Variants in SPOCD1 observed in about 807,000 individuals in gnomAD.
SPOCD1 encodes SPOC domain-containing protein 1.
A neutral mutation model predicts 92.2 loss-of-function variants in SPOCD1; 64 were observed. That is an observed-to-expected ratio of 0.69 (90% CI 0.57 to 0.86). SPOCD1 has a LOEUF of 0.86. SPOCD1 is among the 40% of genes least tolerant of loss of function. SPOCD1 has a pLI of 0.00. For synonymous variants in SPOCD1, 578 were observed against 619.3 expected, an observed-to-expected ratio of 0.93 and a Z score of 0.99; for missense variants, 1,360 against 1,543.1, an observed-to-expected ratio of 0.88 and a Z score of 1.99.
Position 31,792,243 on chromosome 1 carries a change from G to A in SPOCD1, c.2934C>T (p.Pro978=), listed in dbSNP as rs1337863003. ...LLPLPAFQPL[P]TRLRPLGGPG... ...GGCCCCCCAAAGGGCGCAGCCTGGTGGGCAGGGGCTGGAAGGCAGGCAGGG... is the reference window on the plus strand; with the variant it reads ...GGCCCCCCAAAGGGCGCAGCCTGGTAGGCAGGGGCTGGAAGGCAGGCAGGG... Residue 978 remains proline (P), a synonymous_variant, in exon 15 of 16, where the codon CCC becomes CCT. Coordinates refer to ENST00000360482, the MANE Select transcript of SPOCD1 (RefSeq NM_144569.7). The A allele has an allele frequency of 1.2e-6, 2 of 1,611,018 alleles. No homozygotes were observed. The highest frequency in any genetic ancestry group is 3.4e-5 in the Admixed American group (2 of 59,596).
intron 15 of SPOCD1, 142 bp from the exon 16 acceptor site, chr1:31,791,433 C>G: frequency 1.6e-6 from 1 of 629,568 alleles, no homozygotes; most frequent in Non-Finnish European, 2.5e-6. Flanking sequence ...AAGATTTGAG[C>G]TCTGCGGGAT....
chr1:31,793,226 G>T lies in SPOCD1; in HGVS notation c.2685+52C>A, dbSNP rs1469224788. ...TGAAAGAGAGAGAGAGAGAGAGGCTGCCTGGGCTGGTCAGTGTGTAAGGGA... is the reference window on the plus strand; with the variant it reads ...TGAAAGAGAGAGAGAGAGAGAGGCTTCCTGGGCTGGTCAGTGTGTAAGGGA... On this transcript the variant is annotated intron_variant, in intron 13 of 15. Coordinates refer to ENST00000360482, the MANE Select transcript of SPOCD1 (RefSeq NM_144569.7). 2.6e-6 allele frequency: 4 copies of T among 1,523,958 alleles called. No individual in the cohort carries two copies. The African/African-American group carries it at 4.1e-5, about 16-fold the overall frequency. The allele number at this position is 1,523,958 out of a possible 1,614,324, so 94.4% of individuals were successfully genotyped here.
At position 31,798,981 on chromosome 1, in the gene SPOCD1, G is replaced by C. The variant is rs998355807; in HGVS notation, c.1869-380C>G. 3 of 534,374 alleles carry C rather than the reference G, an allele frequency of 5.6e-6. No homozygotes were observed. The highest frequency in any genetic ancestry group is 6.6e-6 in the Non-Finnish European group (2 of 304,852). 33.1% of individuals were successfully genotyped at this position (534,374 alleles called of 1,614,324 possible). ...AGGCAGGAGTCAGGGGGAGAGAATGGAGCCCTGGCCCTCGGTGTCATCTGT... is the reference window on the plus strand; with the variant it reads ...AGGCAGGAGTCAGGGGGAGAGAATGCAGCCCTGGCCCTCGGTGTCATCTGT... On this transcript the variant is annotated intron_variant, in intron 7 of 15. Transcript: ENST00000360482. The surrounding 1 kb of genome is among the most constrained non-coding windows in gnomAD (Gnocchi z 4.1).
chr1:31,790,895 G>C lies in SPOCD1; in HGVS notation c.3359C>G (p.Ser1120Cys). The C allele has an allele frequency of 6.3e-7, 1 of 1,584,286 alleles. No homozygotes were observed. Among genetic ancestry groups the C allele is most frequent in the Non-Finnish European group, 8.6e-7 (1 of 1,165,618 alleles). The change falls in exon 16 of 16, where the codon TCC becomes TGC. Residue 1120 changes from serine (S) to cysteine (C), a missense_variant. Physicochemically the swap from Ser to Cys is moderately radical, Grantham distance 112. Transcript: ENST00000360482. ...QWPPEPGLRQ[S>C]QHPYSVAPAG... ...TGGTGCTACTGAATAGGGATGCTGG[G>C]ACTGGCGCAAGCCTGGCTCTGGGGG...
Position 31,814,607 on chromosome 1 carries a change from G to T in SPOCD1, c.727C>A (p.Pro243Thr), listed in dbSNP as rs759594249. 3.9e-6 allele frequency: 6 copies of T among 1,528,180 alleles called. No homozygotes were observed. In the East Asian group the frequency reaches 1.4e-4, roughly 35 times the overall value. The allele number at this position is 1,528,180 out of a possible 1,614,324, so 94.7% of individuals were successfully genotyped here. Residue 243 changes from proline to threonine, a missense_variant, in exon 2 of 16, where the codon CCT becomes ACT. This residue lies in a region of SPOCD1 where 606 missense variants were observed against 601.5 expected (regional missense o/e 1.01). Transcript: ENST00000360482. The surrounding 1 kb of genome is among the most constrained non-coding windows in gnomAD (Gnocchi z 4.2). ...GACTCCAGGTCAGCAACTTGGGGAG[G>T]GTCTCCCACAGACAGGAGGTTGTCC... is the stretch of plus-strand genomic sequence containing the variant. Reference protein sequence around the residue: ...RGDNLLSVGDPPQVADLESLG... With the variant: ...RGDNLLSVGDTPQVADLESLG...
chr1:31,815,988 G>A lies in SPOCD1; in HGVS notation c.-67C>T, dbSNP rs1422532576. 1 of 152,386 alleles carries A rather than the reference G, an allele frequency of 6.6e-6. No homozygotes were observed. Among genetic ancestry groups the A allele is most frequent in the Non-Finnish European group, 1.5e-5 (1 of 68,168 alleles). The allele number at this position is 152,386 out of a possible 1,614,324, so 9.4% of individuals were successfully genotyped here. ...GGGCTTCCCTGAGTTTTCCCTCCTG[G>A]GGTTCCACCCACTAGCTGAAAAGGA... On this transcript the variant is annotated 5_prime_UTR_variant, in exon 1 of 16. Coordinates refer to ENST00000360482, the MANE Select transcript of SPOCD1 (RefSeq NM_144569.7).
chr1:31,815,200 G>C lies in SPOCD1; in HGVS notation c.134C>G (p.Ala45Gly), dbSNP rs199709905. Residue 45 changes from alanine (A) to glycine (G), a missense_variant, in exon 2 of 16, where the codon GCA becomes GGA. By Grantham distance (60) the Ala-to-Gly change is moderately conservative (BLOSUM62 0). Transcript: ENST00000360482. ...MPGLSPDGPG[A>G]SSGPGVRAGS... ...AGCCCTGACTCCGGGCCCAGAGCTT[G>C]CTCCCGGCCCATCTGGTGACAGGCC... 5.0e-4 allele frequency: 807 copies of C among 1,607,802 alleles called. 5 individuals are homozygous for C. The highest frequency in any genetic ancestry group is 2.2e-4 in the Non-Finnish European group (262 of 1,175,212).
chr1:31,815,388 A>T lies in SPOCD1; in HGVS notation c.-39-16T>A. ...AACACGGGCCCTGTGTGGAGACAGAAAGAGGAGACTTTGTCTTGGAGAGTC... is the reference window on the plus strand; with the variant it reads ...AACACGGGCCCTGTGTGGAGACAGATAGAGGAGACTTTGTCTTGGAGAGTC... On this transcript the variant is annotated splice_polypyrimidine_tract_variant and intron_variant, in intron 1 of 15. Transcript: ENST00000360482. 6.7e-7 allele frequency: 1 copy of T among 1,489,296 alleles called. No individual in the cohort carries two copies. The highest frequency in any genetic ancestry group is 9.0e-7 in the Non-Finnish European group (1 of 1,115,612). 92.3% of individuals were successfully genotyped at this position (1,489,296 alleles called of 1,614,324 possible).
Position 31,815,291 on chromosome 1 carries a change from G to A in SPOCD1, c.43C>T (p.Pro15Ser), listed in dbSNP as rs753956584. Residue 15 changes from proline to serine, a missense_variant, in exon 2 of 16, where the codon CCT becomes TCT. Pro to Ser is a moderately conservative substitution (Grantham distance 74, BLOSUM62 -1). Coordinates refer to ENST00000360482, the MANE Select transcript of SPOCD1 (RefSeq NM_144569.7). ...GDVEGPSTGD[P>S]VLSPQHNCEL... ...CAGTTGTGTTGGGGACTGAGCACAGGGTCTCCTGTGCTGGGGCCTTCTACG... is the reference window on the plus strand; with the variant it reads ...CAGTTGTGTTGGGGACTGAGCACAGAGTCTCCTGTGCTGGGGCCTTCTACG... 3 of 1,581,424 alleles carry A rather than the reference G, an allele frequency of 1.9e-6. No individual in the cohort carries two copies. Among genetic ancestry groups the A allele is most frequent in the Admixed American group, 1.7e-5 (1 of 57,560 alleles).
chr1:31,814,954 A>C lies in SPOCD1; in HGVS notation c.380T>G (p.Leu127Ter), dbSNP rs779056635. 1 of 1,613,902 alleles carries C rather than the reference A, an allele frequency of 6.2e-7. No homozygotes were observed. The change falls in exon 2 of 16, where the codon TTA (leucine) becomes TGA (stop). Residue 127 changes from leucine (L) to a stop codon, truncating the protein, a stop_gained. Transcript: ENST00000360482. LOFTEE classifies it high-confidence loss of function. This position sits in a 1 kb window ranked among gnomAD's most constrained non-coding sequence, Gnocchi z 4.2. ...AAGTTTCCTGGGGCAACTGTCATCT[A>C]AGATGTCACACAGAGAAACCTGGAG... Reference protein sequence around the residue: ...KRLQVSLCDILDDSCPRKLCS... With the variant: ...KRLQVSLCDI
intron 10 of SPOCD1, chr1:31,796,164 C>T (rs1270021784): frequency 7.0e-6 from 2 of 284,846 alleles, no homozygotes; most frequent in African/African-American, 2.2e-5. Context: ...GCCAGGGTGC[C>T]GGGTGGTTCC....
intron 10 of SPOCD1, 169 bp from the exon 11 acceptor site, chr1:31,794,404 G>T (rs1340399760): frequency 2.1e-6 from 1 of 480,656 alleles, no homozygotes; most frequent in East Asian, 3.3e-5. Context: ...ACCAAAACTT[G>T]AAAATTAAAA....
At chr1:31,801,148 C>T (rs1226697095) in intron 3 of SPOCD1, among the ~76,000 whole-genome samples, 1 of 152,180 alleles carries the variant, frequency 6.6e-6, no homozygotes, top group African/African-American at 2.4e-5. Context: ...AAAAGAAATC[C>T]CTTCATGACC....
At chr1:31,807,355 C>T (rs1426311852) in intron 2 of SPOCD1, among the ~76,000 whole-genome samples, 3 of 80,784 alleles carry the variant, frequency 3.7e-5, no homozygotes, top group East Asian at 6.8e-4. Context: ...CACCACTGCA[C>T]TCCAGCCTGG....
In SPOCD1 at chr1:31,798,199, G is replaced by A; in HGVS notation, c.2145+8C>T. 1 of 1,610,264 alleles carries A rather than the reference G, an allele frequency of 6.2e-7. No homozygotes were observed. Among genetic ancestry groups the A allele is most frequent in the Non-Finnish European group, 8.5e-7 (1 of 1,176,592 alleles). On this transcript the variant is annotated splice_region_variant and intron_variant, in intron 9 of 15. Coordinates refer to ENST00000360482, the MANE Select transcript of SPOCD1 (RefSeq NM_144569.7). This position sits in a 1 kb window ranked among gnomAD's most constrained non-coding sequence, Gnocchi z 4.1. Reference sequence around the variant, plus strand: ...CCCTCACCCATCCCGACTGGGCTCAGCACTCACCCTTTTCTCCTCCTGGTC... The same window carrying A: ...CCCTCACCCATCCCGACTGGGCTCAACACTCACCCTTTTCTCCTCCTGGTC...
intron 3 of SPOCD1, 38 bp from the exon 4 acceptor site, chr1:31,800,655 A>T: frequency 6.5e-6 from 10 of 1,542,952 alleles, no homozygotes; most frequent in Non-Finnish European, 8.8e-6. Context: ...AAGCGGGGCC[A>T]GCCGCTGTCC....
intron 7 of SPOCD1, among the ~76,000 whole-genome samples, chr1:31,799,004 T>C (rs138268665): frequency 1.3e-5 from 2 of 152,288 alleles, no homozygotes; most frequent in East Asian, 3.9e-4. Flanking sequence ...CGGTGTCATC[T>C]GTCATTGACT....
In SPOCD1 at chr1:31,791,252, C is replaced by G; in HGVS notation, c.3002G>C (p.Gly1001Ala). 1 of 1,570,404 alleles carries G rather than the reference C, an allele frequency of 6.4e-7. No individual in the cohort carries two copies. The highest frequency in any genetic ancestry group is 1.2e-5 in the South Asian group (1 of 85,074). The change falls in exon 16 of 16, where the codon GGT (glycine) becomes GCT (alanine). Residue 1001 changes from glycine (G) to alanine (A), a missense_variant. Coordinates refer to ENST00000360482, the MANE Select transcript of SPOCD1 (RefSeq NM_144569.7). ...ALPVSPLLSP[G>A]LEVTHSSLLL... ...CAGACTTGAGTGAGTGACCTCCAGA[C>G]CTGGGGAAAGGAGAGGGGAGACAGG... is the stretch of plus-strand genomic sequence containing the variant.
chr1:31,793,209 A>C (rs1647732493), intron 13 of SPOCD1, 69 bp downstream of exon 13: 1 of 1,490,236 alleles, frequency 6.7e-7, no homozygotes, highest in African/African-American at 1.4e-5. Context: ...AGTGAAAGAG[A>C]GAGAGAGAGA....
Sources: gnomAD v4.1 joint callset for allele counts (sites outside exome capture counted in the v4.1 genomes callset) on GRCh38, gnomAD v4.1.1 for gene constraint, gnomAD v4.1.1 regional missense constraint, Gnocchi (gnomAD v3.1) non-coding constraint, MANE v1.5 for transcripts, NCBI Gene and HGNC (gene_info 2026-07-23, HGNC 2026-07-21) for gene names.